CLCN6: variants seen among roughly 807,000 people sequenced by gnomAD.
The protein encoded by CLCN6 is H(+)/Cl(-) exchange transporter 6.
Under a neutral mutation model 109.8 loss-of-function variants are expected in CLCN6, and 70 were observed. The observed-to-expected ratio is 0.64, with a 90% CI of 0.53 to 0.78. The LOEUF is 0.78. Ranked by LOEUF, CLCN6 falls within the 30% of genes least tolerant of loss-of-function variation. The pLI is 0.00. For missense variants in CLCN6, 984 were observed against 1,142.3 expected, an observed-to-expected ratio of 0.86 and a Z score of 2.00; for synonymous variants, 444 against 447.8, an observed-to-expected ratio of 0.99 and a Z score of 0.11.
At chr1:11,838,915 T>C (rs767753140) in intron 22 of CLCN6, 1 of 719,226 alleles carries the variant, frequency 1.4e-6, no homozygotes, top group African/African-American at 1.7e-5. Context: ...TGTGTCTTCC[T>C]CCTGAAATGT....
chr1:11,811,628 C>T (rs544552084), intron 2 of CLCN6, among the ~76,000 whole-genome samples: 2 of 152,210 alleles, frequency 1.3e-5, no homozygotes, highest in South Asian at 2.1e-4. Flanking sequence ...GTGATCCGCC[C>T]GCCTTGGCCT....
Position 11,840,429 on chromosome 1 carries a change from C to T in CLCN6, c.*206C>T, listed in dbSNP as rs1402977355. On this transcript the variant is annotated 3_prime_UTR_variant, in exon 23 of 23. Transcript: ENST00000346436. Reference sequence around the variant, plus strand: ...AGAGCTTGGACTTTTCTGACTTCCCCAGCAAGGATCTTCCCACTTCCTGCT... The same window carrying T: ...AGAGCTTGGACTTTTCTGACTTCCCTAGCAAGGATCTTCCCACTTCCTGCT... The T allele has an allele frequency of 1.6e-6, 1 of 607,524 alleles. No homozygotes were observed. Among genetic ancestry groups the T allele is most frequent in the Non-Finnish European group, 3.0e-6 (1 of 336,952 alleles). 37.6% of individuals were successfully genotyped at this position (607,524 alleles called of 1,614,324 possible).
intron 13 of CLCN6, among the ~76,000 whole-genome samples, chr1:11,830,740 TATATA>T (rs554090459): frequency 0.046 from 5,078 of 110,188 alleles, 156 homozygotes; most frequent in Non-Finnish European, 0.059. Context: ...GTATATATTA[TATATA>T]TATATATATA....
intron 7 of CLCN6, 56 bp from the exon 8 acceptor site, chr1:11,824,430 T>C: frequency 6.9e-7 from 1 of 1,458,856 alleles, no homozygotes; most frequent in Non-Finnish European, 9.5e-7. Flanking sequence ...CAAGGTCTCC[T>C]GACCCAGGGG....
rs914122663 is a variant in CLCN6, at chr1:11,833,442, C to T, written c.1249-73C>T. On this transcript the variant is annotated intron_variant, in intron 13 of 22. Coordinates refer to ENST00000346436, the MANE Select transcript of CLCN6 (RefSeq NM_001286.5). ...GCTGTGCAGCCACCTGTTTTGGACC[C>T]GGCTGGAGACATCCCACTTGAAGAC... 18 of 1,521,640 alleles carry T rather than the reference C, an allele frequency of 1.2e-5. No homozygotes were observed. In the African/African-American group the frequency reaches 1.6e-4, roughly 14 times the overall value. The allele number at this position is 1,521,640 out of a possible 1,614,324, so 94.3% of individuals were successfully genotyped here.
Position 11,842,686 on chromosome 1 carries a change from G to A in CLCN6, c.*2463G>A, listed in dbSNP as rs1279498942. Reference sequence around the variant, plus strand: ...ATGGCCCCTAGGCGAGGTGATCAGGGAGTGGGGCCAATGGGCCCCCGGCCC... The same window carrying A: ...ATGGCCCCTAGGCGAGGTGATCAGGAAGTGGGGCCAATGGGCCCCCGGCCC... On this transcript the variant is annotated 3_prime_UTR_variant, in exon 23 of 23. Coordinates refer to ENST00000346436, the MANE Select transcript of CLCN6 (RefSeq NM_001286.5). 3 of 152,436 alleles carry A rather than the reference G, an allele frequency of 2.0e-5. No individual in the cohort carries two copies. Among genetic ancestry groups the A allele is most frequent in the African/African-American group, 7.2e-5 (3 of 41,464 alleles). 9.4% of individuals were successfully genotyped at this position (152,436 alleles called of 1,614,324 possible).
At chr1:11,835,139 T>C (rs1644928485) in intron 17 of CLCN6, among the ~76,000 whole-genome samples, 1 of 152,222 alleles carries the variant, frequency 6.6e-6, no homozygotes, top group Non-Finnish European at 1.5e-5. Flanking sequence ...TTCCGGGCTG[T>C]ATGGTCTCTG....
chr1:11,840,836 T>C lies in CLCN6; in HGVS notation c.*613T>C, dbSNP rs1192169292. 2 of 156,860 alleles carry C rather than the reference T, an allele frequency of 1.3e-5. No individual in the cohort carries two copies. Among genetic ancestry groups the C allele is most frequent in the African/African-American group, 4.8e-5 (2 of 41,526 alleles). 9.7% of individuals were successfully genotyped at this position (156,860 alleles called of 1,614,324 possible). A position where few individuals can be genotyped will look rare whatever the true frequency, so the allele number is the denominator to read the frequency against. On this transcript the variant is annotated 3_prime_UTR_variant, in exon 23 of 23. Coordinates refer to ENST00000346436, the MANE Select transcript of CLCN6 (RefSeq NM_001286.5). ...CTGGTCTTGCCCTGTGGTTTGACTC[T>C]CCTTAGAACCACCGCCCACCAGAAA... is the stretch of plus-strand genomic sequence containing the variant.
chr1:11,811,218 A>T (rs1257488994), intron 2 of CLCN6, among the ~76,000 whole-genome samples: 1 of 152,048 alleles, frequency 6.6e-6, no homozygotes, highest in African/African-American at 2.4e-5. Context: ...CAAAAAAAAA[A>T]GGGATTCTGG....
chr1:11,810,649 C>T (rs1570513368), intron 2 of CLCN6, among the ~76,000 whole-genome samples: 2 of 152,140 alleles, frequency 1.3e-5, no homozygotes, highest in South Asian at 2.1e-4. Flanking sequence ...CAAAGAGCAA[C>T]ATATACTGCA....
intron 2 of CLCN6, among the ~76,000 whole-genome samples, chr1:11,814,707 A>G (rs1238679034): frequency 6.6e-6 from 1 of 152,124 alleles, no homozygotes; most frequent in Non-Finnish European, 1.5e-5. Flanking sequence ...AGGAGCCGAG[A>G]GCCAAGCTGA....
Position 11,842,075 on chromosome 1 carries a change from T to C in CLCN6, c.*1852T>C, listed in dbSNP as rs1645030477. 1 of 152,238 alleles carries C rather than the reference T, an allele frequency of 6.6e-6. No individual in the cohort carries two copies. The allele number at this position is 152,238 out of a possible 1,614,324, so 9.4% of individuals were successfully genotyped here. A position where few individuals can be genotyped will look rare whatever the true frequency, so the allele number is the denominator to read the frequency against. Reference sequence around the variant, plus strand: ...TTCCTTTTATTAAGAAGGAAGCCAATTGTCCAAGTCAGGAGAATGGTGTGA... The same window carrying C: ...TTCCTTTTATTAAGAAGGAAGCCAACTGTCCAAGTCAGGAGAATGGTGTGA... On this transcript the variant is annotated 3_prime_UTR_variant, in exon 23 of 23. Transcript: ENST00000346436.
intron 20 of CLCN6, 45 bp from the exon 21 acceptor site, chr1:11,838,290 G>T (rs759699092): frequency 1.9e-6 from 3 of 1,559,756 alleles, no homozygotes. Context: ...GACCCTGCTG[G>T]CCACTGCTGC....
At chr1:11,827,368 C>T in intron 10 of CLCN6, 147 bp downstream of exon 10, 1 of 725,864 alleles carries the variant, frequency 1.4e-6, no homozygotes, top group Admixed American at 3.3e-5. Flanking sequence ...ATAACCTCCA[C>T]ACTGGACTTT....
At chr1:11,814,340 C>T (rs1316738064) in intron 2 of CLCN6, among the ~76,000 whole-genome samples, 3 of 151,132 alleles carry the variant, frequency 2.0e-5, no homozygotes, top group Non-Finnish European at 4.4e-5. Context: ...ACCTCCGCCT[C>T]CTAGGTTCAA....
At chr1:11,808,111 C>T (rs1644545429) in intron 2 of CLCN6, among the ~76,000 whole-genome samples, 1 of 152,096 alleles carries the variant, frequency 6.6e-6, no homozygotes, top group Non-Finnish European at 1.5e-5. Context: ...ACCCCTTGTC[C>T]TCATCACACA....
chr1:11,827,311 G>A (rs1483892274), intron 10 of CLCN6, 90 bp downstream of exon 10: 14 of 1,283,662 alleles, frequency 1.1e-5, no homozygotes, highest in Middle Eastern at 2.8e-4. Flanking sequence ...TAGTTTTGAT[G>A]AGACTGGGGG....
chr1:11,822,934 G>C, intron 6 of CLCN6, 133 bp downstream of exon 6: 2 of 642,824 alleles, frequency 3.1e-6, no homozygotes, highest in Non-Finnish European at 5.6e-6. Flanking sequence ...GTTCACTAAA[G>C]GTAAAGGTTT....
chr1:11,839,732 G>A (rs1284050510), intron 22 of CLCN6, among the ~76,000 whole-genome samples: 2 of 152,198 alleles, frequency 1.3e-5, no homozygotes, highest in African/African-American at 4.8e-5. Context: ...AGTGACACGT[G>A]GGAACCACTG....
Sources: allele counts gnomAD v4.1 joint callset (sites outside exome capture counted in the v4.1 genomes callset), GRCh38; gene constraint gnomAD v4.1.1; transcripts MANE v1.5; gene names NCBI Gene and HGNC (gene_info 2026-07-23, HGNC 2026-07-21).